The following HYDIN variants were observed in gnomAD, a reference collection of about 807,000 sequenced individuals.
HYDIN encodes the protein axonemal central pair apparatus protein HYDIN.
A neutral mutation model predicts 403.9 loss-of-function variants in HYDIN; 132 were observed. That is an observed-to-expected ratio of 0.33 (90% CI 0.28 to 0.38). HYDIN has a LOEUF of 0.38. Among genes scored for constraint, HYDIN ranks in the 10% least tolerant of loss-of-function variants. The pLI, the probability that HYDIN is intolerant of heterozygous loss-of-function variation, is 1.00. For missense variants in HYDIN, 2,827 were observed against 5,009.5 expected (o/e 0.56, Z 13.15); for synonymous variants, 1,202 against 1,891.7 (o/e 0.64, Z 9.46).
At chr16:70,808,545 G>C (rs1245992389) in intron 85 of HYDIN, among the ~76,000 whole-genome samples, 1 of 152,164 alleles carries the variant, frequency 6.6e-6, no homozygotes, top group East Asian at 1.9e-4. Flanking sequence ...TTGAGATGGT[G>C]CTTGAATCCC....
chr16:70,951,600 G>A (rs138316368), intron 41 of HYDIN, among the ~76,000 whole-genome samples: 2,214 of 152,034 alleles, frequency 0.015, 54 homozygotes, highest in African/African-American at 0.05. Flanking sequence ...AAAGGAAGCC[G>A]GTTCTCTTCT....
chr16:70,864,683 A>G (rs927154822), intron 67 of HYDIN, among the ~76,000 whole-genome samples: 4 of 149,188 alleles, frequency 2.7e-5, no homozygotes, highest in Admixed American at 1.3e-4. Context: ...GAGCACTTGT[A>G]TTTATTCTAA....
chr16:70,979,773 A>T (rs1175645171), intron 29 of HYDIN, among the ~76,000 whole-genome samples: 1 of 152,132 alleles, frequency 6.6e-6, no homozygotes, highest in Non-Finnish European at 1.5e-5. Flanking sequence ...CTCTACAAAA[A>T]ATTAGCTGGG....
chr16:70,837,712 T>C lies in HYDIN; in HGVS notation c.13220A>G (p.Lys4407Arg), dbSNP rs777696930. The change falls in exon 77 of 86, where the codon AAA becomes AGA. Residue 4407 changes from lysine to arginine, a missense_variant. Lys to Arg is a conservative substitution (Grantham distance 26, BLOSUM62 2). Transcript: ENST00000393567. ...NGLSQQTVEI[K>R]GKGTKMKILV... ...TACCTTCATTTTGGTACCCTTCCCT[T>C]TGATTTCGACTGTTTGTTGTGAGAG... 6.2e-7 allele frequency: 1 copy of C among 1,613,932 alleles called. No individual in the cohort carries two copies. The highest frequency in any genetic ancestry group is 8.5e-7 in the Non-Finnish European group (1 of 1,179,834).
intron 9 of HYDIN, among the ~76,000 whole-genome samples, chr16:71,119,852 C>G (rs1210585012): frequency 6.6e-6 from 1 of 150,708 alleles, no homozygotes; most frequent in African/African-American, 2.4e-5. Context: ...AACTTTAGAC[C>G]CCACTTCCAG....
chr16:71,058,569 T>C (rs1438414074), intron 18 of HYDIN, among the ~76,000 whole-genome samples: 1 of 135,106 alleles, frequency 7.4e-6, no homozygotes, highest in Non-Finnish European at 1.6e-5. Flanking sequence ...AATGTGCACA[T>C]GTACCCTAAA....
At chr16:71,195,401 C>A (rs112746274) in intron 1 of HYDIN, among the ~76,000 whole-genome samples, 2 of 152,268 alleles carry the variant, frequency 1.3e-5, no homozygotes, top group African/African-American at 4.8e-5. Context: ...GGCTACTATA[C>A]TCTGGAATGT....
At chr16:71,222,535 T>G (rs542520971) in intron 1 of HYDIN, among the ~76,000 whole-genome samples, 1 of 152,032 alleles carries the variant, frequency 6.6e-6, no homozygotes, top group Admixed American at 6.6e-5. Context: ...GGAAAAGAAG[T>G]CAAACTGTCA....
chr16:71,134,758 G>A (rs1429594495), intron 8 of HYDIN, among the ~76,000 whole-genome samples: 1 of 152,202 alleles, frequency 6.6e-6, no homozygotes, highest in Non-Finnish European at 1.5e-5. Flanking sequence ...TTTCATGACA[G>A]TTACTTCAAG....
chr16:71,227,670 C>T (rs1036582234), intron 1 of HYDIN, among the ~76,000 whole-genome samples: 1 of 152,108 alleles, frequency 6.6e-6, no homozygotes, highest in African/African-American at 2.4e-5. Flanking sequence ...AAAGAGGACA[C>T]AAATGGAAGA....
At chr16:71,134,091 T>C (rs1434370141) in intron 8 of HYDIN, among the ~76,000 whole-genome samples, 1 of 151,842 alleles carries the variant, frequency 6.6e-6, no homozygotes, top group African/African-American at 2.4e-5. Flanking sequence ...GAATTGGTAT[T>C]CCTGGGGCTG....
chr16:70,960,691 C>A (rs1354620951), intron 38 of HYDIN, among the ~76,000 whole-genome samples: 2 of 152,162 alleles, frequency 1.3e-5, no homozygotes, highest in East Asian at 1.9e-4. Context: ...CTAGCTCATT[C>A]TGTTTTTCTT....
chr16:71,118,133 T>C lies in HYDIN; in HGVS notation c.1228-2338A>G, dbSNP rs62037557. Among the ~76,000 whole-genome samples the C allele has an allele frequency of 2.2e-4, 34 of 152,264 alleles. No individual in the cohort carries two copies. In the East Asian group the frequency reaches 4.6e-3, roughly 21 times the overall value. ...GCACTTACTGTAAAATGTTTGTATATATGTTTATCATCCCACTAAGGTTTG... is the reference window on the plus strand; with the variant it reads ...GCACTTACTGTAAAATGTTTGTATACATGTTTATCATCCCACTAAGGTTTG... On this transcript the variant is annotated intron_variant, in intron 9 of 85. Transcript: ENST00000393567.
chr16:71,038,039 C>G (rs955241556), intron 18 of HYDIN, among the ~76,000 whole-genome samples: 1 of 152,224 alleles, frequency 6.6e-6, no homozygotes, highest in African/African-American at 2.4e-5. Flanking sequence ...AAAATGTCAG[C>G]CATAGCTGCC....
chr16:70,938,425 T>G (rs1301543388), intron 44 of HYDIN, among the ~76,000 whole-genome samples, 189 bp downstream of exon 44: 2 of 152,218 alleles, frequency 1.3e-5, no homozygotes, highest in East Asian at 1.9e-4. Context: ...AAACCCTGAA[T>G]GGTGCAGCAG....
chr16:70,985,391 A>T, intron 27 of HYDIN, 69 bp from the exon 28 acceptor site: 3 of 1,027,066 alleles, frequency 2.9e-6, no homozygotes, highest in Non-Finnish European at 4.3e-6. Context: ...AGGTGCAGAA[A>T]CATGCCTCAT....
At chr16:71,030,351 C>A (rs2080860146) in intron 19 of HYDIN, among the ~76,000 whole-genome samples, 1 of 151,904 alleles carries the variant, frequency 6.6e-6, no homozygotes, top group Non-Finnish European at 1.5e-5. Flanking sequence ...ACCACTGCTC[C>A]CAGCCCAAAC....
Position 70,892,317 on chromosome 16 carries a change from C to T in HYDIN, c.9417+44G>A, listed in dbSNP as rs367731036. On this transcript the variant is annotated intron_variant, in intron 56 of 85. Transcript: ENST00000393567. ...ATCCTTCTTTGCAACAGGAGTCGTA[C>T]GATCCTGCCATTGAGGCAGCCCCTC... 455 of 1,565,796 alleles carry T rather than the reference C, an allele frequency of 2.9e-4. 5 individuals are homozygous for T. In the East Asian group the frequency reaches 8.6e-3, roughly 30 times the overall value.
intron 39 of HYDIN, 58 bp from the exon 40 acceptor site, chr16:70,955,606 G>T (rs2078209677): frequency 1.4e-6 from 1 of 732,548 alleles, no homozygotes; most frequent in Non-Finnish European, 2.3e-6. Flanking sequence ...GTGTCCCAGA[G>T]AGAAAAGGTC....
Sources: gnomAD v4.1 joint callset for allele counts (sites outside exome capture counted in the v4.1 genomes callset) on GRCh38, gnomAD v4.1.1 for gene constraint, MANE v1.5 for transcripts, NCBI Gene and HGNC (gene_info 2026-07-23, HGNC 2026-07-21) for gene names.